STX7: variants seen among roughly 807,000 people sequenced by gnomAD.
STX7 encodes syntaxin 7.
STX7 carries 34 observed loss-of-function variants against 39.6 expected under a neutral mutation model. That is an observed-to-expected ratio of 0.86 (90% CI 0.65 to 1.14). The LOEUF is 1.14. STX7 is among the 50% of genes most tolerant of loss of function. The pLI is 0.00. For synonymous variants in STX7, 119 were observed against 99.1 expected, an observed-to-expected ratio of 1.20 and a Z score of -1.19; for missense variants, 284 against 310.4, an observed-to-expected ratio of 0.92 and a Z score of 0.64.
intron 9 of STX7, among the ~76,000 whole-genome samples, chr6:132,463,434 A>AT (rs1774469872): frequency 6.6e-6 from 1 of 152,190 alleles, no homozygotes; most frequent in Non-Finnish European, 1.5e-5. Flanking sequence ...TGACACATGC[A>AT]TGTGGACTCC....
At chr6:132,481,171 G>A (rs1775006945) in intron 2 of STX7, among the ~76,000 whole-genome samples, 1 of 151,994 alleles carries the variant, frequency 6.6e-6, no homozygotes, top group Non-Finnish European at 1.5e-5. Context: ...TTTAAGCTTA[G>A]GTATGAAAAA....
intron 2 of STX7, among the ~76,000 whole-genome samples, chr6:132,498,000 C>CT (rs1445889627): frequency 5.9e-5 from 9 of 152,282 alleles, no homozygotes; most frequent in African/African-American, 2.2e-4. Context: ...GAATGGTTGC[C>CT]TGGAGCCTTG....
Position 132,472,368 on chromosome 6 carries a change from T to A in STX7, c.163A>T (p.Lys55Ter). 1 of 1,610,838 alleles carries A rather than the reference T, an allele frequency of 6.2e-7. No individual in the cohort carries two copies. The highest frequency in any genetic ancestry group is 8.5e-7 in the Non-Finnish European group (1 of 1,179,008). Residue 55 changes from lysine (K) to a stop codon, truncating the protein, a stop_gained, in exon 4 of 10, where the codon AAG becomes TAG. Coordinates refer to ENST00000367941, the MANE Select transcript of STX7 (RefSeq NM_003569.3). LOFTEE classifies it high-confidence loss of function. ...SPELRQQLQQ[K>*]QQYTNQLAKE... The stretch of plus-strand genomic sequence containing the variant: ...GCAAGCTGGTTAGTATACTGCTGCT[T>A]CTGTTGCCTAAAGTGAGAAAACACG...
intron 2 of STX7, among the ~76,000 whole-genome samples, chr6:132,487,259 T>G (rs1451829538): frequency 6.6e-6 from 1 of 152,178 alleles, no homozygotes; most frequent in African/African-American, 2.4e-5. Flanking sequence ...TCAACTTTAT[T>G]GTCATAAAGT....
rs560433955 is a variant in STX7 at position 132,457,065 on chromosome 6, C to T, written c.*3693G>A. 1.3e-5 allele frequency: 2 copies of T among 152,434 alleles called. No individual in the cohort carries two copies. The highest frequency in any genetic ancestry group is 6.5e-5 in the Admixed American group (1 of 15,310). 9.4% of individuals were successfully genotyped at this position (152,434 alleles called of 1,614,324 possible). A position where few individuals can be genotyped will look rare whatever the true frequency, so the allele number is the denominator to read the frequency against. ...CTGTCAGTGCTGCACGCCAACAGCACAGCCTTCTGGATGTTCTCAAGAGTC... is the reference window on the plus strand; with the variant it reads ...CTGTCAGTGCTGCACGCCAACAGCATAGCCTTCTGGATGTTCTCAAGAGTC... On this transcript the variant is annotated 3_prime_UTR_variant, in exon 10 of 10. Transcript: ENST00000367941.
intron 2 of STX7, among the ~76,000 whole-genome samples, chr6:132,499,300 A>G (rs1210536784): frequency 6.6e-6 from 1 of 152,228 alleles, no homozygotes; most frequent in Non-Finnish European, 1.5e-5. Context: ...TCTCAAATAG[A>G]ATAATCCCCA....
intron 2 of STX7, among the ~76,000 whole-genome samples, chr6:132,479,570 G>A (rs1382816734): frequency 6.6e-6 from 1 of 152,152 alleles, no homozygotes; most frequent in Admixed American, 6.5e-5. Flanking sequence ...CTCTACGTAT[G>A]TCAGTCAGCC....
At position 132,457,928 on chromosome 6, in the gene STX7, C is replaced by T. The variant is rs966188151; in HGVS notation, c.*2830G>A. The stretch of plus-strand genomic sequence containing the variant: ...GTGGACAATGACTTTATTTTCTTTA[C>T]GTAAGTTTTATATTTTATTATGACA... On this transcript the variant is annotated 3_prime_UTR_variant, in exon 10 of 10. Transcript: ENST00000367941. The T allele has an allele frequency of 2.0e-5, 3 of 152,106 alleles. No homozygotes were observed. Among genetic ancestry groups the T allele is most frequent in the Admixed American group, 6.5e-5 (1 of 15,270 alleles). 9.4% of individuals were successfully genotyped at this position (152,106 alleles called of 1,614,324 possible). A position where few individuals can be genotyped will look rare whatever the true frequency, so the allele number is the denominator to read the frequency against.
At chr6:132,499,644 C>A (rs952244542) in intron 2 of STX7, among the ~76,000 whole-genome samples, 1 of 152,174 alleles carries the variant, frequency 6.6e-6, no homozygotes, top group African/African-American at 2.4e-5. Flanking sequence ...TATCTTACCT[C>A]ACAGGTCACT....
rs550266813 is a variant in STX7 at position 132,474,926 on chromosome 6, C to T, written c.155+667G>A. On this transcript the variant is annotated intron_variant, in intron 3 of 9. Coordinates refer to ENST00000367941, the MANE Select transcript of STX7 (RefSeq NM_003569.3). ...TAGGTATAAACTTGTGGGGAGACAG[C>T]TCACGTAGCTGGTTATGTATTGGAT... Among the ~76,000 whole-genome samples the T allele has an allele frequency of 2.6e-5, 4 of 152,216 alleles. No individual in the cohort carries two copies. The East Asian group carries it at 7.7e-4, about 29-fold the overall frequency.
Position 132,475,663 on chromosome 6 carries a change from C to G in STX7, c.86-1G>C. ...TTCAGAGTTCTTTGTATTTCCACAGCTATTATAATAGAAAATTCATGTATT... is the reference window on the plus strand; with the variant it reads ...TTCAGAGTTCTTTGTATTTCCACAGGTATTATAATAGAAAATTCATGTATT... On this transcript the variant is annotated splice_acceptor_variant, in intron 2 of 9. Transcript: ENST00000367941. LOFTEE classifies it high-confidence loss of function. The G allele has an allele frequency of 6.3e-7, 1 of 1,593,804 alleles. No individual in the cohort carries two copies. The highest frequency in any genetic ancestry group is 1.3e-5 in the African/African-American group (1 of 74,330).
intron 7 of STX7, among the ~76,000 whole-genome samples, chr6:132,469,473 A>G (rs886202322): frequency 6.6e-6 from 1 of 152,180 alleles, no homozygotes; most frequent in African/African-American, 2.4e-5. Flanking sequence ...CAGTAAGGAC[A>G]ATATTATTTT....
At chr6:132,501,458 A>T (rs779981079) in intron 2 of STX7, among the ~76,000 whole-genome samples, 6 of 152,106 alleles carry the variant, frequency 3.9e-5, no homozygotes, top group Non-Finnish European at 8.8e-5. Flanking sequence ...ACACTTAGCT[A>T]CCAACCTGCC....
chr6:132,491,035 G>GCAC (rs1775269623), intron 2 of STX7, among the ~76,000 whole-genome samples: 1 of 99,166 alleles, frequency 1.0e-5, no homozygotes, highest in African/African-American at 3.4e-5. Context: ...AGAGAGAATA[G>GCAC]AGCCCTTGAG....
intron 2 of STX7, among the ~76,000 whole-genome samples, chr6:132,483,758 AC>A (rs1775065628): frequency 6.6e-6 from 1 of 152,096 alleles, no homozygotes; most frequent in African/African-American, 2.4e-5. Context: ...CTTCTGCGAC[AC>A]CCCAATTGAC....
intron 1 of STX7, among the ~76,000 whole-genome samples, chr6:132,512,700 G>A (rs1442500477): frequency 6.6e-6 from 1 of 152,128 alleles, no homozygotes; most frequent in Non-Finnish European, 1.5e-5. Flanking sequence ...CGCCAGCCGT[G>A]CGCCTCCGGA....
At chr6:132,490,735 G>C (rs1775258486) in intron 2 of STX7, among the ~76,000 whole-genome samples, 1 of 152,122 alleles carries the variant, frequency 6.6e-6, no homozygotes. Context: ...GGGCTGAGAA[G>C]CACCGGGGAC....
rs1052939886 is a variant in STX7 at position 132,506,080 on chromosome 6, T to TA, written c.-58-2493dup. ...AACTGGACCCTTATCTGTCAACATA[T>TA]AAAAAAAAAAATCGACTCAAGATGG... On this transcript the variant is annotated intron_variant, in intron 1 of 9. Transcript: ENST00000367941. 1.8e-3 allele frequency among the ~76,000 whole-genome samples: 246 copies of TA among 140,374 alleles called. 1 individual carries two copies. Among genetic ancestry groups the TA allele is most frequent in the African/African-American group, 3.1e-3 (121 of 38,508 alleles). The allele number at this position is 140,374 out of a possible 152,430, so 92.1% of individuals were successfully genotyped here. A position where few individuals can be genotyped will look rare whatever the true frequency, so the allele number is the denominator to read the frequency against.
chr6:132,446,094 C>T lies in STX7; in HGVS notation c.*14664G>A, dbSNP rs145787275. ...TTTATATTGCAAAAGCTTTGCCCTC[C>T]TGCAAGAACATGCAGTTTCCCAAAC... On this transcript the variant is annotated 3_prime_UTR_variant, in exon 10 of 10. Transcript: ENST00000367941. 1.3e-5 allele frequency: 2 copies of T among 152,298 alleles called. No individual in the cohort carries two copies. Among genetic ancestry groups the T allele is most frequent in the Admixed American group, 6.5e-5 (1 of 15,286 alleles). The allele number at this position is 152,298 out of a possible 1,614,324, so 9.4% of individuals were successfully genotyped here.
Sources: allele counts gnomAD v4.1 joint callset (sites outside exome capture counted in the v4.1 genomes callset), GRCh38; gene constraint gnomAD v4.1.1; transcripts MANE v1.5; gene names NCBI Gene and HGNC (gene_info 2026-07-23, HGNC 2026-07-21).